The following DIPK2B variants were observed in gnomAD, a reference collection of about 807,000 sequenced individuals.
The protein encoded by DIPK2B is divergent protein kinase domain 2B.
DIPK2B carries 15 observed loss-of-function variants against 22.2 expected under a neutral mutation model. The observed-to-expected ratio is 0.68, with a 90% CI of 0.45 to 1.04. The LOEUF (loss-of-function observed/expected upper bound fraction) is 1.04. Ranked by LOEUF, DIPK2B falls within the 50% of genes least tolerant of loss-of-function variation. The probability of loss-of-function intolerance (pLI) is 0.00; values close to 1 mark genes in which losing one functional copy is unlikely to be tolerated. For synonymous variants in DIPK2B, 163 were observed against 153.2 expected (o/e 1.06, Z -0.47); for missense variants, 345 against 348.3 (o/e 0.99, Z 0.08).
chrX:45,165,713 T>C (rs992794348), intron 2 of DIPK2B, among the ~76,000 whole-genome samples: 18 of 111,820 alleles, frequency 1.6e-4, no homozygotes, highest in Non-Finnish European at 3.4e-4. Context: ...CATGCTAAAA[T>C]AGTCCGTTTT....
intron 1 of DIPK2B, among the ~76,000 whole-genome samples, chrX:45,200,291 C>T (rs1470895497): frequency 4.5e-5 from 5 of 111,539 alleles, no homozygotes; most frequent in Admixed American, 2.9e-4. Context: ...TTTTATTTCC[C>T]GCCCACTGTG....
chrX:45,192,318 A>G (rs1454045340), intron 1 of DIPK2B, among the ~76,000 whole-genome samples: 1 of 111,710 alleles, frequency 9.0e-6, no homozygotes, highest in Non-Finnish European at 1.9e-5. Flanking sequence ...TAGCAGCTTT[A>G]CATACACTGA....
In DIPK2B at chrX:45,157,893, G is replaced by C. The variant is rs1299722252; in HGVS notation, c.499-5C>G. 2 of 1,131,030 alleles carry C rather than the reference G, an allele frequency of 1.8e-6. No individual in the cohort carries two copies. Among genetic ancestry groups the C allele is most frequent in the African/African-American group, 3.8e-5 (2 of 53,171 alleles). 93.2% of individuals were successfully genotyped at this position (1,131,030 alleles called of 1,213,427 possible). On this transcript the variant is annotated splice_polypyrimidine_tract_variant and splice_region_variant and intron_variant, in intron 2 of 4. Coordinates refer to ENST00000398000, the MANE Select transcript of DIPK2B (RefSeq NM_176819.4). ...CAGGAGCGGGCTGGCCAGGCCCTAC[G>C]CGCAGGTGGGAGAGAGGCGGGAGAA...
At chrX:45,187,384 C>G (rs1408088865) in intron 2 of DIPK2B, among the ~76,000 whole-genome samples, 1 of 111,630 alleles carries the variant, frequency 9.0e-6, no homozygotes, top group Admixed American at 9.4e-5. Context: ...GTGGGATATT[C>G]CCATCAGAAC....
At chrX:45,175,056 G>A (rs763369186) in intron 2 of DIPK2B, among the ~76,000 whole-genome samples, 1 of 111,622 alleles carries the variant, frequency 9.0e-6, no homozygotes, top group Admixed American at 9.6e-5. Context: ...CTTGGGCAAC[G>A]TATATAAATC....
chrX:45,191,775 C>T lies in DIPK2B; in HGVS notation c.474G>A (p.Lys158=), dbSNP rs2047212232. 1 of 1,210,198 alleles carries T rather than the reference C, an allele frequency of 8.3e-7. No individual in the cohort carries two copies. Among genetic ancestry groups the T allele is most frequent in the African/African-American group, 1.7e-5 (1 of 57,277 alleles). Residue 158 remains lysine (K), a synonymous_variant, in exon 2 of 5, where the codon AAG becomes AAA. Coordinates refer to ENST00000398000, the MANE Select transcript of DIPK2B (RefSeq NM_176819.4). The part of the protein sequence containing the change: ...TERFQKWLQA[K]RLTPDLVQGL... ...CCTGCACCAGGTCCGGCGTGAGGCG[C>T]TTGGCCTGCAGCCATTTCTGGAACC...
Position 45,157,723 on chromosome X carries a change from G to T in DIPK2B, c.664C>A (p.Leu222Ile). Residue 222 changes from leucine (L) to isoleucine (I), a missense_variant, in exon 3 of 5, where the codon CTC becomes ATC. By Grantham distance (5) the Leu-to-Ile change is conservative. Coordinates refer to ENST00000398000, the MANE Select transcript of DIPK2B (RefSeq NM_176819.4). ...YTLAVNSHPI[L>I]LQIFPGAEGW... is the part of the protein sequence containing the mutation. ...GCCAGGTCGCTGCATACCTGTAGGA[G>T]GATGGGGTGCGAGTTGACAGCCAGC... 1 of 1,193,543 alleles carries T rather than the reference G, an allele frequency of 8.4e-7. No individual in the cohort carries two copies. The highest frequency in any genetic ancestry group is 1.1e-6 in the Non-Finnish European group (1 of 885,752).
chrX:45,162,317 C>A, intron 2 of DIPK2B: 9 of 683,387 alleles, frequency 1.3e-5, no homozygotes, highest in Non-Finnish European at 1.6e-5. Flanking sequence ...TTGTTTTAAG[C>A]CACTATGTGT....
chrX:45,178,536 C>T (rs751387390), intron 2 of DIPK2B, among the ~76,000 whole-genome samples: 2 of 111,612 alleles, frequency 1.8e-5, no homozygotes, highest in Non-Finnish European at 3.8e-5. Flanking sequence ...AGGATACACA[C>T]GAGGTAAGCC....
chrX:45,163,370 C>A lies in DIPK2B; in HGVS notation c.499-5482G>T, dbSNP rs952582313. On this transcript the variant is annotated intron_variant, in intron 2 of 4. Coordinates refer to ENST00000398000, the MANE Select transcript of DIPK2B (RefSeq NM_176819.4). ...ACTGGTTCTGTTTCTCTGGTAGAACCCTGCCTGATACACTAGCTAAAGGAA... is the reference window on the plus strand; with the variant it reads ...ACTGGTTCTGTTTCTCTGGTAGAACACTGCCTGATACACTAGCTAAAGGAA... 5 of 744,323 alleles carry A rather than the reference C, an allele frequency of 6.7e-6. No individual in the cohort carries two copies. In the Admixed American group the frequency reaches 4.4e-4, roughly 66 times the overall value. 61.3% of individuals were successfully genotyped at this position (744,323 alleles called of 1,213,427 possible).
At chrX:45,160,420 G>C (rs1407434564) in intron 2 of DIPK2B, among the ~76,000 whole-genome samples, 1 of 110,853 alleles carries the variant, frequency 9.0e-6, no homozygotes, top group Non-Finnish European at 1.9e-5. Context: ...ATCTTGGCCA[G>C]ACTGGTTTTG....
In DIPK2B at chrX:45,191,812, C is replaced by T. The variant is rs9969; in HGVS notation, c.437G>A (p.Arg146Gln). The change falls in exon 2 of 5, where the codon CGG (arginine) becomes CAG (glutamine). Residue 146 changes from arginine (R) to glutamine (Q), a missense_variant. Transcript: ENST00000398000. ...PKTCSIERVLRKTERFQKWLQ... is the reference protein window; with the variant it reads ...PKTCSIERVLQKTERFQKWLQ... The stretch of plus-strand genomic sequence containing the variant: ...CCATTTCTGGAACCTCTCTGTTTTC[C>T]GCAGGACACGCTCAATGCTGCAGGT... The T allele has an allele frequency of 7.6e-4, 922 of 1,210,541 alleles. 6 individuals are homozygous for T. The African/African-American group carries it at 0.014, about 18-fold the overall frequency.
intron 2 of DIPK2B, chrX:45,162,946 T>C (rs1325427857): frequency 1.3e-6 from 1 of 754,149 alleles, no homozygotes; most frequent in East Asian, 1.5e-4. Context: ...CTTAACAGTC[T>C]GAAGACGGTC....
intron 2 of DIPK2B, among the ~76,000 whole-genome samples, chrX:45,168,601 G>A (rs1417769073): frequency 4.4e-5 from 5 of 112,372 alleles, no homozygotes; most frequent in African/African-American, 1.6e-4. Flanking sequence ...CTGATGGAAT[G>A]TTCTCTCAGG....
At chrX:45,175,165 C>G (rs1415038378) in intron 2 of DIPK2B, among the ~76,000 whole-genome samples, 1 of 111,361 alleles carries the variant, frequency 9.0e-6, no homozygotes, top group Admixed American at 9.6e-5. Context: ...CATGCCGGGT[C>G]CATAGAAAGT....
chrX:45,175,967 A>G lies in DIPK2B; in HGVS notation c.498+15784T>C, dbSNP rs1051311323. Among the ~76,000 whole-genome samples the G allele has an allele frequency of 3.7e-5, 4 of 108,022 alleles. No individual in the cohort carries two copies. The Middle Eastern group carries it at 0.014, about 380-fold the overall frequency. The allele number at this position is 108,022 out of a possible 115,157, so 93.8% of individuals were successfully genotyped here. ...AGTGGTGCTTTTCCACCTCACAATG[A>G]ATGGGGTGATTCTGAGGGTGCTGTA... On this transcript the variant is annotated intron_variant, in intron 2 of 4. Transcript: ENST00000398000.
intron 2 of DIPK2B, among the ~76,000 whole-genome samples, chrX:45,176,957 C>T (rs186873993): frequency 6.2e-4 from 69 of 111,709 alleles, no homozygotes; most frequent in African/African-American, 2.1e-3. Context: ...TCATATTCCA[C>T]GGAGTATGAA....
chrX:45,189,301 T>A (rs1055411811), intron 2 of DIPK2B, among the ~76,000 whole-genome samples: 2 of 112,085 alleles, frequency 1.8e-5, no homozygotes, highest in African/African-American at 6.5e-5. Flanking sequence ...AACTGATAGG[T>A]GAGTTTTGCT....
intron 2 of DIPK2B, among the ~76,000 whole-genome samples, chrX:45,167,981 G>C (rs1016558139): frequency 8.9e-6 from 1 of 112,441 alleles, no homozygotes; most frequent in Non-Finnish European, 1.9e-5. Flanking sequence ...CACTGTGCCC[G>C]GCCCAGAGTG....
Sources: allele counts gnomAD v4.1 joint callset (sites outside exome capture counted in the v4.1 genomes callset), GRCh38; gene constraint gnomAD v4.1.1; transcripts MANE v1.5; gene names NCBI Gene and HGNC (gene_info 2026-07-23, HGNC 2026-07-21).